TMEM87A: variants seen among roughly 807,000 people sequenced by gnomAD.
TMEM87A encodes the protein transmembrane protein 87A, also known as Golgi-pH regulating cation channel.
TMEM87A carries 50 observed loss-of-function variants against 90.0 expected under a neutral mutation model. The ratio of observed to expected loss-of-function variants is 0.56; its 90% CI spans 0.44 to 0.70. The LOEUF is 0.70. Ranked by LOEUF, TMEM87A falls within the 30% of genes least tolerant of loss-of-function variation. The pLI is 0.00. For synonymous variants in TMEM87A, 226 were observed against 226.7 expected (o/e 1.00, Z 0.03); for missense variants, 577 against 660.5 (o/e 0.87, Z 1.39).
chr15:42,266,374 G>A lies in TMEM87A; in HGVS notation c.291+1573C>T, dbSNP rs912478313. Among the ~76,000 whole-genome samples the A allele has an allele frequency of 1.3e-4, 20 of 152,114 alleles. No individual in the cohort carries two copies. In the East Asian group the frequency reaches 1.4e-3, roughly 10 times the overall value. On this transcript the variant is annotated intron_variant, in intron 3 of 19. Transcript: ENST00000389834. ...TTACTAAAAATACAAAAATTAGCCG[G>A]GTGTGGTGGCAGACACCTGTAATCC... is the stretch of plus-strand genomic sequence containing the variant.
intron 6 of TMEM87A, among the ~76,000 whole-genome samples, chr15:42,245,085 TCAAA>T (rs1321213497): frequency 6.6e-6 from 1 of 152,122 alleles, no homozygotes; most frequent in Non-Finnish European, 1.5e-5. Flanking sequence ...AAAATCCATG[TCAAA>T]CAAAGCAGAC....
At chr15:42,254,044 A>G (rs1028999744) in intron 6 of TMEM87A, among the ~76,000 whole-genome samples, 1 of 151,276 alleles carries the variant, frequency 6.6e-6, no homozygotes, top group Non-Finnish European at 1.5e-5. Context: ...TAACAAAACT[A>G]TTTTTTTCTT....
At chr15:42,239,605 A>T in intron 8 of TMEM87A, 65 bp downstream of exon 8, 1 of 1,329,870 alleles carries the variant, frequency 7.5e-7, no homozygotes, top group Non-Finnish European at 1.1e-6. Flanking sequence ...CTGCCACAAA[A>T]CATGGGACAA....
chr15:42,236,858 A>G (rs1595723046), intron 9 of TMEM87A, among the ~76,000 whole-genome samples: 1 of 152,366 alleles, frequency 6.6e-6, no homozygotes, highest in Non-Finnish European at 1.5e-5. Flanking sequence ...AAGACCAGGG[A>G]AAATCTTATC....
chr15:42,252,347 T>A (rs913975484), intron 6 of TMEM87A, among the ~76,000 whole-genome samples: 1 of 152,206 alleles, frequency 6.6e-6, no homozygotes, highest in Non-Finnish European at 1.5e-5. Context: ...CTGGGAGCTG[T>A]AGACGGAGCT....
rs1045549366 is a variant in TMEM87A, at chr15:42,233,064, C to A, written c.1062+149G>T. The stretch of plus-strand genomic sequence containing the variant: ...AAGCTCTAATAGATTTAAAAGAGAA[C>A]ATGAACTATACATATATTTTGAAAA... On this transcript the variant is annotated intron_variant, in intron 11 of 19. Transcript: ENST00000389834. 4 of 540,806 alleles carry A rather than the reference C, an allele frequency of 7.4e-6. No individual in the cohort carries two copies. In the South Asian group the frequency reaches 1.2e-4, roughly 16 times the overall value. The allele number at this position is 540,806 out of a possible 1,614,324, so 33.5% of individuals were successfully genotyped here.
intron 11 of TMEM87A, chr15:42,231,981 G>T (rs891945500): frequency 1.9e-5 from 17 of 888,120 alleles, no homozygotes; most frequent in Non-Finnish European, 2.1e-5. Flanking sequence ...AAGTCTAAGA[G>T]AATTACATAC....
intron 15 of TMEM87A, among the ~76,000 whole-genome samples, chr15:42,222,302 C>T (rs2050504290): frequency 6.6e-6 from 1 of 152,100 alleles, no homozygotes; most frequent in South Asian, 2.1e-4. Flanking sequence ...GGTGATCTGT[C>T]CGCTTCAGCC....
chr15:42,253,681 A>T (rs1371542256), intron 6 of TMEM87A, among the ~76,000 whole-genome samples: 1 of 152,184 alleles, frequency 6.6e-6, no homozygotes, highest in Non-Finnish European at 1.5e-5. Flanking sequence ...ATGGTAAACA[A>T]ATTACAATAT....
chr15:42,273,454 G>A (rs529365545), upstream of TMEM87A: 354 of 1,605,270 alleles, frequency 2.2e-4, no homozygotes, highest in Non-Finnish European at 2.9e-4. Context: ...GGTTCGTCCC[G>A]CCTTCTTCCG....
chr15:42,256,832 T>C (rs1248875613), intron 6 of TMEM87A, among the ~76,000 whole-genome samples: 36 of 152,060 alleles, frequency 2.4e-4, no homozygotes, highest in Non-Finnish European at 1.5e-5. Flanking sequence ...ATCCTCCCAC[T>C]TCAGTCTCCC....
intron 15 of TMEM87A, among the ~76,000 whole-genome samples, chr15:42,225,529 A>G (rs2050575264): frequency 1.3e-5 from 2 of 152,280 alleles, no homozygotes; most frequent in South Asian, 2.1e-4. Context: ...TGTAAGTGAT[A>G]CAATTATATC....
chr15:42,228,869 G>T, intron 12 of TMEM87A, 49 bp from the exon 13 acceptor site: 1 of 1,383,440 alleles, frequency 7.2e-7, no homozygotes, highest in Non-Finnish European at 9.9e-7. Context: ...CAGTAAGCTA[G>T]CCAATTAGTT....
intron 6 of TMEM87A, among the ~76,000 whole-genome samples, chr15:42,253,399 A>T (rs1451697235): frequency 6.6e-6 from 1 of 151,936 alleles, no homozygotes; most frequent in Non-Finnish European, 1.5e-5. Flanking sequence ...GCTTATCCCC[A>T]CTGTTATCCC....
chr15:42,251,712 C>G (rs1466793329), intron 6 of TMEM87A, among the ~76,000 whole-genome samples: 2 of 152,174 alleles, frequency 1.3e-5, no homozygotes, highest in Non-Finnish European at 1.5e-5. Context: ...CAGGGACCCA[C>G]TTGAGGAGGC....
chr15:42,215,449 C>CAT (rs1186848564), intron 19 of TMEM87A, among the ~76,000 whole-genome samples: 1 of 152,142 alleles, frequency 6.6e-6, no homozygotes, highest in African/African-American at 2.4e-5. Flanking sequence ...GGACCACTGT[C>CAT]ATATATGTGG....
At position 42,218,345 on chromosome 15, in the gene TMEM87A, C is replaced by G; in HGVS notation, c.1573G>C (p.Val525Leu). The G allele has an allele frequency of 1.2e-6, 2 of 1,613,744 alleles. No individual in the cohort carries two copies. Among genetic ancestry groups the G allele is most frequent in the Non-Finnish European group, 1.7e-6 (2 of 1,179,824 alleles). The part of the protein sequence containing the change: ...EDDLKWVEEN[V>L]PSSVTDVALP... ...TACACATCTGTCACAGAAGAAGGAACATTCTCTTCTACCCACTTCAAATCA... is the reference window on the plus strand; with the variant it reads ...TACACATCTGTCACAGAAGAAGGAAGATTCTCTTCTACCCACTTCAAATCA... Residue 525 changes from valine to leucine, a missense_variant, in exon 18 of 20, where the codon GTT becomes CTT. Transcript: ENST00000389834.
intron 17 of TMEM87A, among the ~76,000 whole-genome samples, 200 bp from the exon 18 acceptor site, chr15:42,218,578 C>T (rs148489468): frequency 9.9e-5 from 15 of 152,266 alleles, no homozygotes; most frequent in Admixed American, 2.0e-4. Context: ...CCCAGTTCTC[C>T]CATAGCCCCT....
chr15:42,230,051 C>T (rs2050662362), intron 12 of TMEM87A, among the ~76,000 whole-genome samples: 1 of 152,178 alleles, frequency 6.6e-6, no homozygotes, highest in African/African-American at 2.4e-5. Flanking sequence ...GTCTCAAACT[C>T]CTGAGCTTAA....
Sources: allele counts gnomAD v4.1 joint callset (sites outside exome capture counted in the v4.1 genomes callset), GRCh38; gene constraint gnomAD v4.1.1; transcripts MANE v1.5; gene names NCBI Gene and HGNC (gene_info 2026-07-23, HGNC 2026-07-21).